ARHGAP26: variants seen among roughly 807,000 people sequenced by gnomAD.
The protein encoded by ARHGAP26 is Rho GTPase activating protein 26.
In ARHGAP26, 38 loss-of-function variants were observed where a neutral mutation model predicts 104.8. The ratio of observed to expected loss-of-function variants is 0.36; its 90% confidence interval spans 0.28 to 0.48. The LOEUF is 0.48. Ranked by LOEUF, ARHGAP26 falls within the 20% of genes least tolerant of loss-of-function variation. The pLI is 0.99. For synonymous variants in ARHGAP26, 341 were observed against 340.0 expected (o/e 1.00, Z -0.03); for missense variants, 704 against 947.9 (o/e 0.74, Z 3.38).
At chr5:142,942,832 G>C (rs890640343) in intron 11 of ARHGAP26, among the ~76,000 whole-genome samples, 7 of 152,198 alleles carry the variant, frequency 4.6e-5, no homozygotes, top group African/African-American at 1.7e-4. Context: ...CCATGCTGGA[G>C]TGCAGTGGTA....
intron 12 of ARHGAP26, among the ~76,000 whole-genome samples, chr5:143,024,238 C>G (rs1331195083): frequency 1.3e-5 from 2 of 152,166 alleles, no homozygotes; most frequent in Non-Finnish European, 2.9e-5. Flanking sequence ...AAAGCTATGA[C>G]TGGTGGTGGT....
At chr5:142,933,230 G>T (rs985611515) in intron 11 of ARHGAP26, among the ~76,000 whole-genome samples, 3 of 152,148 alleles carry the variant, frequency 2.0e-5, no homozygotes, top group Non-Finnish European at 4.4e-5. Context: ...TCCTAAGTAG[G>T]TCTTTCTTTT....
chr5:142,826,658 G>A (rs1164401295), intron 1 of ARHGAP26, among the ~76,000 whole-genome samples: 4 of 152,116 alleles, frequency 2.6e-5, no homozygotes, highest in Admixed American at 2.6e-4. Context: ...GAGGTACAGG[G>A]CCTTCTTGAG....
chr5:143,135,086 A>G (rs1797764622), intron 19 of ARHGAP26, among the ~76,000 whole-genome samples: 2 of 152,248 alleles, frequency 1.3e-5, no homozygotes, highest in Admixed American at 1.3e-4. Flanking sequence ...TACAAATGTG[A>G]GTCAGCATCA....
At chr5:143,028,936 A>G (rs1554201663) in intron 12 of ARHGAP26, among the ~76,000 whole-genome samples, 1 of 152,076 alleles carries the variant, frequency 6.6e-6, no homozygotes, top group Non-Finnish European at 1.5e-5. Context: ...GCTGTGGGTA[A>G]CCTCCACAAT....
In ARHGAP26 at chr5:142,968,385, C is replaced by T. The variant is rs1475242751; in HGVS notation, c.1107+36260C>T. Reference sequence around the variant, plus strand: ...AAAATAAAGACCTATAGCTTCTTAGCCTGTCCTTTCTCAAAAAATTATATT... The same window carrying T: ...AAAATAAAGACCTATAGCTTCTTAGTCTGTCCTTTCTCAAAAAATTATATT... On this transcript the variant is annotated intron_variant, in intron 11 of 22. Transcript: ENST00000645722. Among the ~76,000 whole-genome samples, 4 of 152,216 alleles carry T rather than the reference C, an allele frequency of 2.6e-5. No homozygotes were observed. In the East Asian group the frequency reaches 5.8e-4, roughly 22 times the overall value.
chr5:142,858,088 TGTGTGTGAGAGA>T (rs1752679454), intron 1 of ARHGAP26, among the ~76,000 whole-genome samples: 1 of 141,350 alleles, frequency 7.1e-6, no homozygotes, highest in Admixed American at 7.0e-5. Context: ...TGTGTGTGTG[TGTGTGTGAGAGA>T]GAGAGAGAGA....
chr5:143,158,044 GTATC>G (rs1225519640), intron 20 of ARHGAP26, among the ~76,000 whole-genome samples: 1 of 152,194 alleles, frequency 6.6e-6, no homozygotes, highest in African/African-American at 2.4e-5. Context: ...CTCGTTCAGA[GTATC>G]AATCAATAAA....
At chr5:143,019,765 TA>T (rs899531515) in intron 12 of ARHGAP26, among the ~76,000 whole-genome samples, 2 of 152,220 alleles carry the variant, frequency 1.3e-5, no homozygotes, top group Non-Finnish European at 2.9e-5. Flanking sequence ...TACTTAACTC[TA>T]AAAAGATTAG....
At chr5:142,949,201 GA>G (rs138870105) in intron 11 of ARHGAP26, among the ~76,000 whole-genome samples, 522 of 14,948 alleles carry the variant, frequency 0.035, 4 homozygotes, top group Middle Eastern at 0.05. Flanking sequence ...GAGAGAGAGA[GA>G]GAGAGAGAGA....
In ARHGAP26 at chr5:142,871,172, C is replaced by A. The variant is rs1457024680; in HGVS notation, c.155-2228C>A. 6.6e-6 allele frequency among the ~76,000 whole-genome samples: 1 copy of A among 152,210 alleles called. No individual in the cohort carries two copies. Among genetic ancestry groups the A allele is most frequent in the African/African-American group, 2.4e-5 (1 of 41,456 alleles). On this transcript the variant is annotated intron_variant, in intron 1 of 22. Coordinates refer to ENST00000645722, the MANE Select transcript of ARHGAP26 (RefSeq NM_001135608.3). The surrounding 1 kb of genome is among the most constrained non-coding windows in gnomAD (Gnocchi z 4.1). ...GGGTCCTCACTGCTTCTCAGGCTTG[C>A]ACTGTGGCAGGGTGTGCTCTGTGCC...
intron 9 of ARHGAP26, among the ~76,000 whole-genome samples, chr5:142,911,124 G>A (rs1761770921): frequency 6.6e-6 from 1 of 152,144 alleles, no homozygotes; most frequent in African/African-American, 2.4e-5. Flanking sequence ...GTGTGTGACG[G>A]AAGAATTTCC....
At chr5:142,994,513 G>C (rs376316606) in intron 11 of ARHGAP26, among the ~76,000 whole-genome samples, 2 of 152,184 alleles carry the variant, frequency 1.3e-5, no homozygotes, top group Non-Finnish European at 2.9e-5. Context: ...AGGGTATGCA[G>C]TTTTTGGGAA....
intron 17 of ARHGAP26, among the ~76,000 whole-genome samples, chr5:143,109,958 A>G (rs1794567242): frequency 6.6e-6 from 1 of 152,092 alleles, no homozygotes; most frequent in African/African-American, 2.4e-5. Flanking sequence ...TATGTCTCTG[A>G]CTTTTCCTGA....
At chr5:142,937,194 A>T (rs1027981800) in intron 11 of ARHGAP26, among the ~76,000 whole-genome samples, 1 of 152,120 alleles carries the variant, frequency 6.6e-6, no homozygotes, top group Non-Finnish European at 1.5e-5. Context: ...ATAAATAAGA[A>T]CTCTCAAAAC....
At chr5:142,816,183 A>T (rs1765104130) in intron 1 of ARHGAP26, among the ~76,000 whole-genome samples, 1 of 152,136 alleles carries the variant, frequency 6.6e-6, no homozygotes, top group African/African-American at 2.4e-5. Context: ...GTACAATTTG[A>T]TTGAAGTTTG....
chr5:143,015,532 A>G (rs139789386), intron 12 of ARHGAP26, among the ~76,000 whole-genome samples: 202 of 152,338 alleles, frequency 1.3e-3, no homozygotes, highest in African/African-American at 4.5e-3. Context: ...ACCCAGGGAA[A>G]AACTGTACAT....
chr5:143,140,609 T>G (rs531443851), intron 19 of ARHGAP26, among the ~76,000 whole-genome samples: 1 of 152,234 alleles, frequency 6.6e-6, no homozygotes, highest in East Asian at 1.9e-4. Flanking sequence ...ATCCTTCCCT[T>G]TGGAGCCTGC....
chr5:142,804,372 T>G (rs951682802), intron 1 of ARHGAP26, among the ~76,000 whole-genome samples: 2 of 152,246 alleles, frequency 1.3e-5, no homozygotes, highest in African/African-American at 4.8e-5. Flanking sequence ...CAGGGATGCT[T>G]CTGGGAAGCT....
Sources: allele counts gnomAD v4.1 joint callset (sites outside exome capture counted in the v4.1 genomes callset), GRCh38; gene constraint gnomAD v4.1.1; non-coding constraint Gnocchi (gnomAD v3.1); transcripts MANE v1.5; gene names NCBI Gene and HGNC (gene_info 2026-07-23, HGNC 2026-07-21).